Variants in MORN1 observed in about 807,000 individuals in gnomAD.
MORN1 encodes the protein MORN repeat-containing protein 1.
MORN1 carries 67 observed loss-of-function variants against 61.9 expected under a neutral mutation model. That is an observed-to-expected ratio of 1.08 (90% CI 0.89 to 1.33). The LOEUF (loss-of-function observed/expected upper bound fraction) is 1.33. MORN1 is among the 40% of genes most tolerant of loss of function. MORN1 has a pLI of 0.00. For synonymous variants in MORN1, 301 were observed against 292.0 expected (o/e 1.03, Z -0.31); for missense variants, 752 against 691.2 (o/e 1.09, Z -0.99).
chr1:2,325,163 T>TCCTTCCTTCCCTC (rs1640991371), intron 12 of MORN1, among the ~76,000 whole-genome samples: 2 of 56,644 alleles, frequency 3.5e-5, no homozygotes, highest in Non-Finnish European at 7.7e-5. Flanking sequence ...TTCCCTCCCT[T>TCCTTCCTTCCCTC]CCTTCCTTTC....
intron 5 of MORN1, 34 bp from the exon 6 acceptor site, chr1:2,385,099 AG>A: frequency 6.4e-7 from 1 of 1,558,646 alleles, no homozygotes; most frequent in Non-Finnish European, 8.7e-7. Flanking sequence ...CACTCTCAAC[AG>A]GGGGAGCCGG....
chr1:2,332,548 G>C, intron 12 of MORN1: 1 of 452,732 alleles, frequency 2.2e-6, no homozygotes, highest in Non-Finnish European at 4.5e-6. Context: ...TTCTATGATG[G>C]GGGAATGGGC....
intron 10 of MORN1, among the ~76,000 whole-genome samples, chr1:2,346,800 C>T (rs992859977): frequency 3.3e-5 from 5 of 152,214 alleles, no homozygotes; most frequent in Non-Finnish European, 7.3e-5. Context: ...CAGCCCCCAG[C>T]CGGTCCGAGT....
chr1:2,332,735 G>A (rs931128858), intron 12 of MORN1: 1 of 456,484 alleles, frequency 2.2e-6, no homozygotes, highest in Non-Finnish European at 4.4e-6. Flanking sequence ...AGAACCCTTT[G>A]TTAGCTCCTG....
intron 12 of MORN1, among the ~76,000 whole-genome samples, chr1:2,333,545 A>C (rs535733139): frequency 1.2e-3 from 178 of 152,320 alleles, no homozygotes; most frequent in African/African-American, 4.1e-3. Context: ...GACCCGAGGG[A>C]GGTCTCGGAC....
At chr1:2,362,352 G>C (rs79859931) in intron 8 of MORN1, among the ~76,000 whole-genome samples, 5,928 of 152,312 alleles carry the variant, frequency 0.039, 376 homozygotes, top group African/African-American at 0.13. Flanking sequence ...GGTTGGTCTT[G>C]CTGTTTTTGG....
chr1:2,385,495 G>T, intron 5 of MORN1: 1 of 346,084 alleles, frequency 2.9e-6, no homozygotes, highest in East Asian at 6.1e-5. Flanking sequence ...ACCTGGAGAC[G>T]CTCCTGTGGT....
chr1:2,361,616 G>T (rs1340025826), intron 8 of MORN1, among the ~76,000 whole-genome samples: 1 of 152,122 alleles, frequency 6.6e-6, no homozygotes, highest in East Asian at 1.9e-4. Flanking sequence ...TTCTGGAGAT[G>T]AAAATTATAA....
At chr1:2,367,493 TG>T (rs1482975028) in intron 8 of MORN1, among the ~76,000 whole-genome samples, 1 of 151,420 alleles carries the variant, frequency 6.6e-6, no homozygotes, top group Non-Finnish European at 1.5e-5. Flanking sequence ...AAAAGATAAT[TG>T]GGGAAAGAAT....
chr1:2,331,101 C>T (rs1012092393), intron 12 of MORN1, among the ~76,000 whole-genome samples: 1 of 152,152 alleles, frequency 6.6e-6, no homozygotes, highest in Non-Finnish European at 1.5e-5. Flanking sequence ...CTGTGTCTAC[C>T]GCCCACTACA....
At chr1:2,375,533 G>A (rs7519807) in intron 6 of MORN1, 40,152 of 152,380 alleles carry the variant, frequency 0.26, 6,515 homozygotes, top group East Asian at 0.45. Flanking sequence ...AAGGCGACTG[G>A]ATTGCCCCAA....
rs536728633 is a variant in MORN1, at chr1:2,379,613, CAA to C, written c.538-5058_538-5057del. On this transcript the variant is annotated intron_variant, in intron 6 of 13. Coordinates refer to ENST00000378531, the MANE Select transcript of MORN1 (RefSeq NM_024848.3). The stretch of plus-strand genomic sequence containing the variant: ...GGAGACTACAGCTGCCAAGAAGCGT[CAA>C]AGAGGGGGAGACCGGGTGCGCAGTG... Among the ~76,000 whole-genome samples, 626 of 152,244 alleles carry C rather than the reference CAA, an allele frequency of 4.1e-3. 4 individuals carry two copies. Among genetic ancestry groups the C allele is most frequent in the African/African-American group, 0.015 (606 of 41,540 alleles).
chr1:2,385,694 A>G, intron 5 of MORN1, 113 bp downstream of exon 5: 1 of 939,852 alleles, frequency 1.1e-6, no homozygotes, highest in Non-Finnish European at 1.7e-6. Context: ...AGGGGCCGGA[A>G]CAGGCCCGGG....
At chr1:2,389,627 T>C (rs1395097606) in intron 2 of MORN1, among the ~76,000 whole-genome samples, 1 of 152,248 alleles carries the variant, frequency 6.6e-6, no homozygotes, top group African/African-American at 2.4e-5. Flanking sequence ...GTTCTCTTTA[T>C]AATAGGAAAT....
chr1:2,325,526 T>G (rs1167942390), intron 12 of MORN1, among the ~76,000 whole-genome samples: 1 of 151,846 alleles, frequency 6.6e-6, no homozygotes, highest in Non-Finnish European at 1.5e-5. Flanking sequence ...TTAAAAAAAT[T>G]TTTAGAGAGG....
chr1:2,348,817 A>G (rs894511555), intron 10 of MORN1, among the ~76,000 whole-genome samples: 16 of 145,756 alleles, frequency 1.1e-4, no homozygotes, highest in Admixed American at 4.7e-4. Context: ...GCGGGCACGC[A>G]CACACACGCA....
intron 12 of MORN1, among the ~76,000 whole-genome samples, chr1:2,335,347 GCACACT>G (rs915079158): frequency 4.6e-5 from 7 of 152,184 alleles, no homozygotes; most frequent in African/African-American, 1.4e-4. Context: ...GGCGGCCCCG[GCACACT>G]CACACTCACA....
chr1:2,382,950 G>A (rs1377704235), intron 6 of MORN1, among the ~76,000 whole-genome samples: 1 of 152,110 alleles, frequency 6.6e-6, no homozygotes, highest in Non-Finnish European at 1.5e-5. Flanking sequence ...ATGCGGAGGG[G>A]AGCCACACTG....
chr1:2,382,112 G>T (rs757565463), intron 6 of MORN1, among the ~76,000 whole-genome samples: 5 of 152,228 alleles, frequency 3.3e-5, no homozygotes, highest in Admixed American at 3.3e-4. Flanking sequence ...GGCTGGGAGT[G>T]GGGGTGGGGA....
Sources: gnomAD v4.1 joint callset for allele counts (sites outside exome capture counted in the v4.1 genomes callset) on GRCh38, gnomAD v4.1.1 for gene constraint, MANE v1.5 for transcripts, NCBI Gene and HGNC (gene_info 2026-07-23, HGNC 2026-07-21) for gene names.